NCMAP: variants seen among roughly 807,000 people sequenced by gnomAD.
NCMAP encodes the protein noncompact myelin-associated protein.
Under a neutral mutation model 7.8 loss-of-function variants are expected in NCMAP, and 8 were observed. The ratio of observed to expected loss-of-function variants is 1.02; its 90% confidence interval spans 0.60 to 1.84. The LOEUF (loss-of-function observed/expected upper bound fraction) is 1.84. Among genes scored for constraint, NCMAP ranks in the 40% most tolerant of loss-of-function variants. The pLI is 0.00. For synonymous variants in NCMAP, 41 were observed against 52.9 expected (o/e 0.78, Z 0.98); for missense variants, 112 against 131.4 (o/e 0.85, Z 0.72).
intron 2 of NCMAP, among the ~76,000 whole-genome samples, chr1:24,599,670 C>T (rs917407858): frequency 1.3e-5 from 2 of 152,082 alleles, no homozygotes; most frequent in Non-Finnish European, 2.9e-5. Context: ...CTCTGCCTCC[C>T]GGGTTCAAGC....
At chr1:24,559,645 G>A (rs6677814) in intron 1 of NCMAP, among the ~76,000 whole-genome samples, 35,005 of 152,152 alleles carry the variant, frequency 0.23, 4,255 homozygotes, top group African/African-American at 0.28. Flanking sequence ...TTCTCCGAAG[G>A]GCCTCCTGCC....
In NCMAP at chr1:24,600,971, G is replaced by T; in HGVS notation, c.114G>T (p.Val38=). The change falls in exon 3 of 4, where the codon GTG becomes GTT. Residue 38 remains valine (V), a synonymous_variant. Transcript: ENST00000374392. ...SSGAIVAAVV[V]VVIIIFTVVL... ...GAGCCATTGTTGCTGCCGTTGTGGT[G>T]GTTGTCATCATCATCTTCACCGTGG... 1 of 1,614,096 alleles carries T rather than the reference G, an allele frequency of 6.2e-7. No individual in the cohort carries two copies. The highest frequency in any genetic ancestry group is 8.5e-7 in the Non-Finnish European group (1 of 1,180,024).
intron 3 of NCMAP, among the ~76,000 whole-genome samples, chr1:24,602,580 A>AAG (rs1652545951): frequency 6.8e-6 from 1 of 147,818 alleles, no homozygotes; most frequent in Non-Finnish European, 1.5e-5. Context: ...AAAAAAAAAA[A>AAG]AAAAAAAAAA....
intron 3 of NCMAP, among the ~76,000 whole-genome samples, chr1:24,603,761 A>C (rs1652589157): frequency 6.6e-6 from 1 of 152,186 alleles, no homozygotes; most frequent in Admixed American, 6.5e-5. Context: ...CACGGTTCTA[A>C]AAAACTGTGT....
intron 1 of NCMAP, among the ~76,000 whole-genome samples, chr1:24,588,775 G>A (rs1375631573): frequency 6.6e-6 from 1 of 152,166 alleles, no homozygotes; most frequent in Non-Finnish European, 1.5e-5. Context: ...TGAACACAGA[G>A]GCTCAGAGTG....
At chr1:24,562,013 G>A (rs1651069227) in intron 1 of NCMAP, among the ~76,000 whole-genome samples, 1 of 152,012 alleles carries the variant, frequency 6.6e-6, no homozygotes, top group Non-Finnish European at 1.5e-5. Flanking sequence ...GTTCTTGCTG[G>A]AAAATGAAAC....
intron 1 of NCMAP, among the ~76,000 whole-genome samples, chr1:24,560,415 T>C (rs1448106365): frequency 6.6e-6 from 1 of 152,220 alleles, no homozygotes; most frequent in Non-Finnish European, 1.5e-5. Flanking sequence ...ACAGTGGCCT[T>C]GCTTTGAAGT....
chr1:24,591,449 G>T (rs1409686608), intron 1 of NCMAP, among the ~76,000 whole-genome samples: 1 of 152,232 alleles, frequency 6.6e-6, no homozygotes, highest in Non-Finnish European at 1.5e-5. Flanking sequence ...TGTATTTTTA[G>T]TAGAGATGTG....
chr1:24,602,420 AT>A (rs1652534577), intron 3 of NCMAP, among the ~76,000 whole-genome samples: 1 of 147,624 alleles, frequency 6.8e-6, no homozygotes. Flanking sequence ...AATACAAAAA[AT>A]TAGCCGGGCG....
At chr1:24,579,840 T>C (rs1433888516) in intron 1 of NCMAP, among the ~76,000 whole-genome samples, 3 of 152,236 alleles carry the variant, frequency 2.0e-5, no homozygotes, top group African/African-American at 7.2e-5. Context: ...CTGGCCATTG[T>C]ATTAGAAGAT....
Position 24,579,196 on chromosome 1 carries a change from GGT to G in NCMAP, c.-7-16227_-7-16226del, listed in dbSNP as rs1491587184. On this transcript the variant is annotated intron_variant, in intron 1 of 3. Transcript: ENST00000374392. ...GAAAAGGTGCATGGGGTAGGGTGGG[GGT>G]TTTTTTTTTTTTAAAGACTTCATGC... Among the ~76,000 whole-genome samples, 537 of 147,480 alleles carry G rather than the reference GGT, an allele frequency of 3.6e-3. 3 individuals are homozygous for G. The highest frequency in any genetic ancestry group is 0.012 in the African/African-American group (478 of 39,886).
At chr1:24,557,572 G>A (rs1328758751) in intron 1 of NCMAP, among the ~76,000 whole-genome samples, 1 of 152,190 alleles carries the variant, frequency 6.6e-6, no homozygotes, top group Non-Finnish European at 1.5e-5. Context: ...GCCCGTGGGA[G>A]TGGATGATGG....
intron 1 of NCMAP, among the ~76,000 whole-genome samples, chr1:24,561,811 G>A (rs1209286257): frequency 8.6e-5 from 13 of 152,002 alleles, no homozygotes; most frequent in Admixed American, 8.5e-4. Flanking sequence ...TTGGGATGCC[G>A]AGGGAGGAGA....
intron 1 of NCMAP, among the ~76,000 whole-genome samples, chr1:24,584,723 G>T (rs6660582): frequency 0.037 from 5,571 of 152,050 alleles, 377 homozygotes; most frequent in African/African-American, 0.13. Flanking sequence ...TTGAAGAAAA[G>T]ATTCTGAAAG....
intron 1 of NCMAP, among the ~76,000 whole-genome samples, chr1:24,578,560 CTTTTTTTTT>C (rs555342098): frequency 5.6e-5 from 6 of 107,378 alleles, no homozygotes; most frequent in Non-Finnish European, 8.8e-5. Context: ...TTCTTTCTTT[CTTTTTTTTT>C]TTTTTTTTTT....
At chr1:24,561,750 A>C (rs920356493) in intron 1 of NCMAP, among the ~76,000 whole-genome samples, 2 of 152,192 alleles carry the variant, frequency 1.3e-5, no homozygotes, top group African/African-American at 4.8e-5. Flanking sequence ...GTCTCTACTT[A>C]AAATAAAAAA....
intron 1 of NCMAP, among the ~76,000 whole-genome samples, chr1:24,562,400 C>G (rs1471508096): frequency 1.3e-5 from 2 of 152,168 alleles, no homozygotes; most frequent in Admixed American, 6.5e-5. Flanking sequence ...AAGTGAGTTG[C>G]CCAGCTGGCA....
chr1:24,579,010 G>A (rs1651672501), intron 1 of NCMAP, among the ~76,000 whole-genome samples: 2 of 152,100 alleles, frequency 1.3e-5, no homozygotes, highest in Admixed American at 1.3e-4. Context: ...CCCCACCCCA[G>A]TCAGGCTGGT....
intron 1 of NCMAP, among the ~76,000 whole-genome samples, chr1:24,558,231 A>G (rs1385019255): frequency 2.6e-5 from 4 of 152,334 alleles, no homozygotes; most frequent in East Asian, 3.9e-4. Flanking sequence ...ATAATTGCCA[A>G]CAACCCTTGT....
Sources: allele counts gnomAD v4.1 joint callset (sites outside exome capture counted in the v4.1 genomes callset), GRCh38; gene constraint gnomAD v4.1.1; transcripts MANE v1.5; gene names NCBI Gene and HGNC (gene_info 2026-07-23, HGNC 2026-07-21).